PPP1R1C: variants seen among roughly 807,000 people sequenced by gnomAD.
PPP1R1C encodes protein phosphatase 1 regulatory inhibitor subunit 1C.
A neutral mutation model predicts 17.4 loss-of-function variants in PPP1R1C; 15 were observed. The observed-to-expected ratio is 0.86, with a 90% CI of 0.58 to 1.33. PPP1R1C has a LOEUF of 1.33. Among genes scored for constraint, PPP1R1C ranks in the 40% most tolerant of loss-of-function variants. The pLI is 0.00. For synonymous variants in PPP1R1C, 35 were observed against 43.1 expected (o/e 0.81, Z 0.73); for missense variants, 143 against 130.0 (o/e 1.10, Z -0.48).
chr2:182,019,165 G>A (rs531006277), intron 2 of PPP1R1C, among the ~76,000 whole-genome samples: 1 of 152,132 alleles, frequency 6.6e-6, no homozygotes, highest in African/African-American at 2.4e-5. Context: ...AAAGAGTAAA[G>A]GTTTGTATCA....
chr2:182,048,779 C>T (rs916740775), intron 2 of PPP1R1C: 1 of 152,114 alleles, frequency 6.6e-6, no homozygotes, highest in Admixed American at 6.6e-5. Context: ...ATCCAAAGGT[C>T]GCTGTAAAGA....
chr2:182,000,760 G>A (rs750093068), intron 2 of PPP1R1C, among the ~76,000 whole-genome samples: 12 of 152,206 alleles, frequency 7.9e-5, no homozygotes, highest in East Asian at 3.9e-4. Context: ...GTTAGTCCTC[G>A]GTTTCAGTGA....
At chr2:181,987,263 G>GAA (rs536883519) in intron 1 of PPP1R1C, among the ~76,000 whole-genome samples, 1 of 142,346 alleles carries the variant, frequency 7.0e-6, no homozygotes. Context: ...CTCTTAAAAT[G>GAA]AAAAAAAAAA....
intron 1 of PPP1R1C, 171 bp from the exon 2 acceptor site, chr2:181,987,668 T>C (rs1033650724): frequency 3.2e-6 from 2 of 629,956 alleles, no homozygotes; most frequent in African/African-American, 3.7e-5. Flanking sequence ...TTCAATTCTG[T>C]GGCTTTCTAT....
chr2:182,056,426 T>A (rs1289298181), intron 2 of PPP1R1C, among the ~76,000 whole-genome samples: 1 of 152,230 alleles, frequency 6.6e-6, no homozygotes, highest in African/African-American at 2.4e-5. Flanking sequence ...GTATTTAGTC[T>A]GCCATTGCTA....
At chr2:182,076,434 C>T (rs1191543094) in intron 4 of PPP1R1C, among the ~76,000 whole-genome samples, 1 of 151,168 alleles carries the variant, frequency 6.6e-6, no homozygotes, top group Non-Finnish European at 1.5e-5. Context: ...ACTGTCTGTT[C>T]ATCTTTTTTA....
chr2:182,012,633 T>G (rs1015423010), intron 2 of PPP1R1C, among the ~76,000 whole-genome samples: 1 of 152,110 alleles, frequency 6.6e-6, no homozygotes, highest in African/African-American at 2.4e-5. Context: ...AGTAAGGACT[T>G]GCTATGGCCA....
chr2:182,128,682 A>T (rs1689935331), intron 5 of PPP1R1C, among the ~76,000 whole-genome samples: 1 of 152,140 alleles, frequency 6.6e-6, no homozygotes, highest in Non-Finnish European at 1.5e-5. Context: ...TAAAATGAGC[A>T]TTGTAACCAG....
intron 4 of PPP1R1C, among the ~76,000 whole-genome samples, chr2:182,105,068 AAAT>A (rs1330085335): frequency 2.0e-5 from 3 of 152,208 alleles, no homozygotes; most frequent in Non-Finnish European, 4.4e-5. Flanking sequence ...TTGTAAAAAA[AAAT>A]GAGGGGTGGA....
chr2:182,049,915 C>T (rs1290399405), intron 2 of PPP1R1C, among the ~76,000 whole-genome samples: 1 of 152,178 alleles, frequency 6.6e-6, no homozygotes, highest in Non-Finnish European at 1.5e-5. Flanking sequence ...TCCCTGAAGT[C>T]TTCAATTTTA....
chr2:182,095,502 T>C (rs1399017866), intron 4 of PPP1R1C, among the ~76,000 whole-genome samples: 1 of 152,206 alleles, frequency 6.6e-6, no homozygotes, highest in African/African-American at 2.4e-5. Flanking sequence ...CTAAGTTTAA[T>C]GTCAGCTGTC....
chr2:182,113,044 G>A (rs1220022521), intron 4 of PPP1R1C, among the ~76,000 whole-genome samples: 1 of 152,066 alleles, frequency 6.6e-6, no homozygotes, highest in Non-Finnish European at 1.5e-5. Context: ...TGGATTAATA[G>A]CATCCTAGGA....
At chr2:182,000,365 G>T (rs577663314) in intron 2 of PPP1R1C, among the ~76,000 whole-genome samples, 14 of 152,054 alleles carry the variant, frequency 9.2e-5, no homozygotes, top group Non-Finnish European at 1.8e-4. Context: ...TCAGGATTCT[G>T]TCCAAGTGTA....
At chr2:182,051,286 G>A (rs1326736431) in intron 2 of PPP1R1C, among the ~76,000 whole-genome samples, 7 of 152,190 alleles carry the variant, frequency 4.6e-5, no homozygotes, top group Admixed American at 3.9e-4. Flanking sequence ...TAAAGTCTGT[G>A]GAATTGTAGC....
intron 2 of PPP1R1C, among the ~76,000 whole-genome samples, chr2:182,051,771 G>T (rs980689382): frequency 6.6e-6 from 1 of 152,088 alleles, no homozygotes; most frequent in African/African-American, 2.4e-5. Flanking sequence ...TAAACCATTT[G>T]TTTTTTGATA....
At chr2:182,048,253 C>G (rs960290132) in intron 2 of PPP1R1C, among the ~76,000 whole-genome samples, 2 of 152,088 alleles carry the variant, frequency 1.3e-5, no homozygotes, top group Non-Finnish European at 2.9e-5. Context: ...TTGACTAACT[C>G]TAAGAACTCA....
chr2:182,124,015 T>C (rs193230748), intron 5 of PPP1R1C, among the ~76,000 whole-genome samples: 143 of 152,346 alleles, frequency 9.4e-4, no homozygotes, highest in Non-Finnish European at 5.0e-4. Context: ...TAATCCATCT[T>C]CAGTTAATTT....
intron 2 of PPP1R1C, among the ~76,000 whole-genome samples, chr2:182,030,423 C>A (rs1370737489): frequency 6.6e-6 from 1 of 151,250 alleles, no homozygotes; most frequent in Non-Finnish European, 1.5e-5. Flanking sequence ...GTTAGTTTTC[C>A]TTCTAACAGA....
At position 182,078,651 on chromosome 2, in the gene PPP1R1C, G is replaced by C. The variant is rs557276071; in HGVS notation, c.241+14860G>C. On this transcript the variant is annotated intron_variant, in intron 4 of 4. Coordinates refer to ENST00000682840, the MANE Select transcript of PPP1R1C (RefSeq NM_001080545.3). ...AGAAAGAAGGAGAACTGGAGTAGGA[G>C]AAACGTGGGCTTGAATCCCAGCTCT... 6.6e-5 allele frequency among the ~76,000 whole-genome samples: 10 copies of C among 152,334 alleles called. No individual in the cohort carries two copies. In the East Asian group the frequency reaches 1.9e-3, roughly 29 times the overall value.
Sources: gnomAD v4.1 joint callset for allele counts (sites outside exome capture counted in the v4.1 genomes callset) on GRCh38, gnomAD v4.1.1 for gene constraint, MANE v1.5 for transcripts, NCBI Gene and HGNC (gene_info 2026-07-23, HGNC 2026-07-21) for gene names.